Variants in DNAH8 observed in about 807,000 individuals in gnomAD.
DNAH8 encodes dynein axonemal heavy chain 8.
Under a neutral mutation model 562.1 loss-of-function variants are expected in DNAH8, and 382 were observed. The ratio of observed to expected loss-of-function variants is 0.68; its 90% CI spans 0.63 to 0.74. The LOEUF is 0.74. DNAH8 is among the 30% of genes least tolerant of loss of function. The pLI is 0.00. For synonymous variants in DNAH8, 1,881 were observed against 1,919.4 expected (o/e 0.98, Z 0.52); for missense variants, 5,203 against 5,620.4 (o/e 0.93, Z 2.37).
intron 33 of DNAH8, 68 bp downstream of exon 33, chr6:38,838,110 C>A: frequency 2.0e-6 from 2 of 1,005,624 alleles, no homozygotes; most frequent in South Asian, 1.4e-5. Context: ...AGAATCATGT[C>A]ACCATTAAAT....
chr6:38,910,409 G>A lies in DNAH8; in HGVS notation c.9740+665G>A, dbSNP rs559667465. On this transcript the variant is annotated intron_variant, in intron 65 of 92. Transcript: ENST00000327475. ...CTGTTTTTCTGCATAGAGAGTTTGC[G>A]TAACACTTTCATTGATTTTCAGTGA... 7.2e-5 allele frequency among the ~76,000 whole-genome samples: 11 copies of A among 152,256 alleles called. No homozygotes were observed. The East Asian group carries it at 9.6e-4, about 13-fold the overall frequency.
At chr6:38,795,013 G>A (rs777533476) in intron 21 of DNAH8, among the ~76,000 whole-genome samples, 4 of 152,082 alleles carry the variant, frequency 2.6e-5, no homozygotes, top group Non-Finnish European at 5.9e-5. Context: ...ACAAGTTCAC[G>A]CATTACATTT....
chr6:38,842,530 A>G, intron 34 of DNAH8, 25 bp downstream of exon 34: 1 of 1,608,244 alleles, frequency 6.2e-7, no homozygotes, highest in Non-Finnish European at 8.5e-7. Context: ...AATTTTTTAT[A>G]ATGCCTGTCT....
At position 38,945,401 on chromosome 6, in the gene DNAH8, A is replaced by G. The variant is rs522327; in HGVS notation, c.12008-66A>G. The stretch of plus-strand genomic sequence containing the variant: ...GTGGCTATTTTGCTTTTATTATTTG[A>G]AAAGTACATTTCTAGAAGTGAAGTA... On this transcript the variant is annotated intron_variant, in intron 79 of 92. Coordinates refer to ENST00000327475, the MANE Select transcript of DNAH8 (RefSeq NM_001206927.2). 0.62 allele frequency: 954,291 copies of G among 1,527,830 alleles called. 299,725 individuals are homozygous for G. Among genetic ancestry groups the G allele is most frequent in the East Asian group, 0.73 (31,873 of 43,804 alleles). The allele number at this position is 1,527,830 out of a possible 1,614,324, so 94.6% of individuals were successfully genotyped here.
chr6:38,770,596 C>A, intron 12 of DNAH8, 37 bp downstream of exon 12: 1 of 1,517,852 alleles, frequency 6.6e-7, no homozygotes, highest in Non-Finnish European at 8.8e-7. Flanking sequence ...CACTCCACAC[C>A]ACACCTTTTT....
chr6:38,946,631 AAACCCCGACTCTACT>A (rs1208246873), intron 80 of DNAH8, among the ~76,000 whole-genome samples: 2 of 152,212 alleles, frequency 1.3e-5, no homozygotes, highest in Non-Finnish European at 2.9e-5. Context: ...CAACATAGTG[AAACCCCGACTCTACT>A]AAAAATACAA....
At chr6:38,838,106 A>C (rs1774452571) in intron 33 of DNAH8, 64 bp downstream of exon 33, 2 of 1,036,938 alleles carry the variant, frequency 1.9e-6, no homozygotes, top group Non-Finnish European at 2.9e-6. Context: ...TAGAAGAATC[A>C]TGTCACCATT....
At chr6:38,984,459 C>G (rs764237224) in intron 87 of DNAH8, 152 bp downstream of exon 87, 45 of 611,596 alleles carry the variant, frequency 7.4e-5, no homozygotes, top group Non-Finnish European at 1.5e-5. Context: ...CTTACACACA[C>G]GCACACACAT....
intron 30 of DNAH8, among the ~76,000 whole-genome samples, chr6:38,831,936 A>T (rs1773869882): frequency 2.0e-5 from 3 of 151,954 alleles, no homozygotes; most frequent in Admixed American, 2.0e-4. Flanking sequence ...GAGTAATATC[A>T]CTTTCTTTTA....
intron 86 of DNAH8, among the ~76,000 whole-genome samples, chr6:38,982,906 T>C (rs1473264460): frequency 1.3e-5 from 2 of 152,256 alleles, no homozygotes; most frequent in African/African-American, 4.8e-5. Flanking sequence ...CATCATCATA[T>C]GACACTTTGC....
At chr6:38,776,045 T>G (rs1768033513) in intron 13 of DNAH8, 94 bp downstream of exon 13, 11 of 785,994 alleles carry the variant, frequency 1.4e-5, no homozygotes, top group Non-Finnish European at 2.3e-5. Flanking sequence ...GTAGTAAGTG[T>G]TTCTATATTT....
At chr6:38,841,959 AATG>A (rs1343197662) in intron 33 of DNAH8, among the ~76,000 whole-genome samples, 1 of 152,186 alleles carries the variant, frequency 6.6e-6, no homozygotes, top group Non-Finnish European at 1.5e-5. Flanking sequence ...AGTCAAGGGA[AATG>A]TTCTCATAAA....
intron 91 of DNAH8, among the ~76,000 whole-genome samples, chr6:39,023,981 T>G (rs1767108412): frequency 6.6e-6 from 1 of 152,234 alleles, no homozygotes; most frequent in Non-Finnish European, 1.5e-5. Flanking sequence ...ATCATTCCCA[T>G]TAGGGAGTGC....
At chr6:38,823,161 A>T (rs1262297328) in intron 27 of DNAH8, 127 bp downstream of exon 27, 1 of 751,040 alleles carries the variant, frequency 1.3e-6, no homozygotes, top group African/African-American at 1.8e-5. Flanking sequence ...ATAAATACCA[A>T]GCACCTGTCA....
intron 62 of DNAH8, among the ~76,000 whole-genome samples, chr6:38,900,289 C>T (rs1379975244): frequency 6.6e-6 from 1 of 152,296 alleles, no homozygotes; most frequent in Non-Finnish European, 1.5e-5. Context: ...GAGATTCATC[C>T]ATGATGCTAC....
At chr6:38,826,961 C>T (rs1218442988) in intron 29 of DNAH8, among the ~76,000 whole-genome samples, 1 of 152,164 alleles carries the variant, frequency 6.6e-6, no homozygotes, top group Non-Finnish European at 1.5e-5. Context: ...CAGTTCTAGA[C>T]ATCAGAAGTC....
chr6:38,794,475 C>A (rs1433275580), intron 21 of DNAH8, among the ~76,000 whole-genome samples: 2 of 152,166 alleles, frequency 1.3e-5, no homozygotes, highest in Non-Finnish European at 2.9e-5. Flanking sequence ...ACATATGATA[C>A]ACCCTTGTAA....
chr6:38,767,527 G>A (rs1034083377), intron 11 of DNAH8, among the ~76,000 whole-genome samples: 2 of 151,736 alleles, frequency 1.3e-5, no homozygotes, highest in Admixed American at 6.6e-5. Flanking sequence ...CCTATTCTAG[G>A]TACCTCAAAT....
intron 64 of DNAH8, among the ~76,000 whole-genome samples, chr6:38,909,054 T>C (rs1780688145): frequency 6.6e-6 from 1 of 152,244 alleles, no homozygotes; most frequent in African/African-American, 2.4e-5. Flanking sequence ...AATAGAATTT[T>C]GTCTCTGTAC....
Sources: gnomAD v4.1 joint callset for allele counts (sites outside exome capture counted in the v4.1 genomes callset) on GRCh38, gnomAD v4.1.1 for gene constraint, MANE v1.5 for transcripts, NCBI Gene and HGNC (gene_info 2026-07-23, HGNC 2026-07-21) for gene names.